KAZN: variants seen among roughly 807,000 people sequenced by gnomAD.
KAZN encodes kazrin.
Under a neutral mutation model 87.4 loss-of-function variants are expected in KAZN, and 40 were observed. That is an observed-to-expected ratio of 0.46 (90% CI 0.36 to 0.60). The LOEUF is 0.60. KAZN is among the 20% of genes least tolerant of loss of function. The pLI, the probability that KAZN is intolerant of heterozygous loss-of-function variation, is 0.00. For synonymous variants in KAZN, 466 were observed against 458.3 expected, an observed-to-expected ratio of 1.02 and a Z score of -0.22; for missense variants, 898 against 1,073.9, an observed-to-expected ratio of 0.84 and a Z score of 2.29.
chr1:14,327,632 C>CA, intron 2 of KAZN, among the ~76,000 whole-genome samples: 1 of 152,240 alleles, frequency 6.6e-6, no homozygotes, highest in Non-Finnish European at 1.5e-5. Context: ...CACAAGTGCC[C>CA]ATCAATAAAG....
At chr1:14,514,731 C>G (rs967818684) in intron 2 of KAZN, among the ~76,000 whole-genome samples, 1 of 148,564 alleles carries the variant, frequency 6.7e-6, no homozygotes, top group African/African-American at 2.5e-5. Flanking sequence ...AATACAGGGT[C>G]AACCACCCAC....
At chr1:14,196,495 G>T (rs558783596) in intron 2 of KAZN, among the ~76,000 whole-genome samples, 1 of 152,092 alleles carries the variant, frequency 6.6e-6, no homozygotes, top group Non-Finnish European at 1.5e-5. Context: ...TGATATATAG[G>T]ATGGGAGGTG....
At position 14,760,064 on chromosome 1, in the gene KAZN, G is replaced by A. The variant is rs145510241; in HGVS notation, c.226+160841G>A. On this transcript the variant is annotated intron_variant, in intron 1 of 14. Transcript: ENST00000376030. Reference sequence around the variant, plus strand: ...GCCTCACCTCAGGACACACCCCGAGGTGTAACTTACATTCCAGGTGGGTGT... The same window carrying A: ...GCCTCACCTCAGGACACACCCCGAGATGTAACTTACATTCCAGGTGGGTGT... 5.2e-3 allele frequency among the ~76,000 whole-genome samples: 795 copies of A among 152,184 alleles called. 3 individuals are homozygous for A. Among genetic ancestry groups the A allele is most frequent in the Non-Finnish European group, 8.4e-3 (572 of 68,002 alleles).
intron 2 of KAZN, among the ~76,000 whole-genome samples, chr1:14,380,120 A>G (rs952348504): frequency 2.0e-5 from 3 of 152,250 alleles, no homozygotes; most frequent in Non-Finnish European, 4.4e-5. Context: ...CAAGACTACC[A>G]AGGCAGTACC....
At chr1:14,415,045 G>A (rs557880923) in intron 2 of KAZN, among the ~76,000 whole-genome samples, 2 of 152,026 alleles carry the variant, frequency 1.3e-5, no homozygotes, top group East Asian at 1.9e-4. Context: ...AAATACGTAC[G>A]TACATACATA....
At chr1:14,321,592 G>C (rs1345849813) in intron 2 of KAZN, among the ~76,000 whole-genome samples, 1 of 152,120 alleles carries the variant, frequency 6.6e-6, no homozygotes, top group South Asian at 2.1e-4. Flanking sequence ...CTAGCCAGCT[G>C]TGCAGTCAGT....
chr1:14,803,983 C>G (rs1444590100), intron 1 of KAZN, among the ~76,000 whole-genome samples: 1 of 152,252 alleles, frequency 6.6e-6, no homozygotes, highest in African/African-American at 2.4e-5. Context: ...TCCCCTAGTC[C>G]TCACCCAGTC....
chr1:14,859,720 C>T (rs908480099), intron 1 of KAZN, among the ~76,000 whole-genome samples: 1 of 152,182 alleles, frequency 6.6e-6, no homozygotes, highest in African/African-American at 2.4e-5. Flanking sequence ...TGATCAGTTG[C>T]TTGAGCTAAT....
In KAZN at chr1:14,856,743, CA is replaced by C. The variant is rs1246390555; in HGVS notation, c.227-103940del. Among the ~76,000 whole-genome samples the C allele has an allele frequency of 2.0e-5, 3 of 152,116 alleles. No homozygotes were observed. The highest frequency in any genetic ancestry group is 4.8e-5 in the African/African-American group (2 of 41,430). On this transcript the variant is annotated intron_variant, in intron 1 of 14. Coordinates refer to ENST00000376030, the MANE Select transcript of KAZN (RefSeq NM_201628.3). This position sits in a 1 kb window ranked among gnomAD's most constrained non-coding sequence, Gnocchi z 5.2. ...TTGGATTATTCTCAAGGACAATGGCCATTATGTCCATTCTTCCAGGATAAAG... is the reference window on the plus strand; with the variant it reads ...TTGGATTATTCTCAAGGACAATGGCCTTATGTCCATTCTTCCAGGATAAAG...
chr1:14,918,730 ATATATATATATATATATATC>A (rs1658175491), intron 1 of KAZN, among the ~76,000 whole-genome samples: 2 of 62,896 alleles, frequency 3.2e-5, no homozygotes, highest in African/African-American at 9.5e-5. Flanking sequence ...ATATATATAT[ATATATATATATATATATATC>A]CTGGGAGGAA....
chr1:14,071,333 T>TG (rs1242182905), intron 1 of KAZN, among the ~76,000 whole-genome samples: 1 of 152,050 alleles, frequency 6.6e-6, no homozygotes, highest in African/African-American at 2.4e-5. Context: ...GGCTGGAGTC[T>TG]GGGGGGACTG....
intron 10 of KAZN, among the ~76,000 whole-genome samples, chr1:15,098,303 G>T (rs545677708): frequency 1.4e-4 from 22 of 152,344 alleles, no homozygotes; most frequent in Admixed American, 1.3e-3. Flanking sequence ...TTCAACTTGG[G>T]CTCTTACAAT....
intron 1 of KAZN, among the ~76,000 whole-genome samples, chr1:14,784,748 G>A (rs774993612): frequency 5.9e-5 from 9 of 152,104 alleles, no homozygotes; most frequent in Admixed American, 5.2e-4. Context: ...AACAGAGCAA[G>A]ACTTTGTCTC....
intron 2 of KAZN, among the ~76,000 whole-genome samples, chr1:14,209,860 G>A (rs1450942324): frequency 2.0e-5 from 3 of 152,160 alleles, no homozygotes; most frequent in Non-Finnish European, 4.4e-5. Flanking sequence ...AGCCAGGCCT[G>A]TTATTGGTAC....
At chr1:14,088,798 A>T (rs1483428926) in intron 1 of KAZN, among the ~76,000 whole-genome samples, 1 of 151,818 alleles carries the variant, frequency 6.6e-6, no homozygotes. Flanking sequence ...TGTTTCATAT[A>T]CTTTGATGTT....
chr1:14,086,460 G>T (rs886615607), intron 1 of KAZN, among the ~76,000 whole-genome samples: 1 of 151,960 alleles, frequency 6.6e-6, no homozygotes, highest in Admixed American at 6.6e-5. Context: ...TAGGTATTTG[G>T]TTCTCCCAGT....
At chr1:14,838,197 G>T (rs1159474104) in intron 1 of KAZN, among the ~76,000 whole-genome samples, 1 of 152,184 alleles carries the variant, frequency 6.6e-6, no homozygotes, top group Non-Finnish European at 1.5e-5. Flanking sequence ...AAGAGCTGTG[G>T]CTGTGTGAAG....
intron 1 of KAZN, among the ~76,000 whole-genome samples, chr1:14,917,545 G>A (rs1657942760): frequency 6.6e-6 from 1 of 152,160 alleles, no homozygotes; most frequent in Non-Finnish European, 1.5e-5. Context: ...CCTATGCCAG[G>A]CCCCATGCAG....
intron 1 of KAZN, among the ~76,000 whole-genome samples, chr1:14,720,360 T>C (rs750017133): frequency 6.6e-6 from 1 of 152,166 alleles, no homozygotes; most frequent in Non-Finnish European, 1.5e-5. Flanking sequence ...TACCTCCAAG[T>C]CCCTAATGCG....
Sources: allele counts gnomAD v4.1 joint callset (sites outside exome capture counted in the v4.1 genomes callset), GRCh38; gene constraint gnomAD v4.1.1; non-coding constraint Gnocchi (gnomAD v3.1); transcripts MANE v1.5; gene names NCBI Gene and HGNC (gene_info 2026-07-23, HGNC 2026-07-21).